The following RASSF4 variants were observed in gnomAD, a reference collection of about 807,000 sequenced individuals.
RASSF4 encodes the protein Ras association domain family member 4.
Under a neutral mutation model 41.1 loss-of-function variants are expected in RASSF4, and 38 were observed. The ratio of observed to expected loss-of-function variants is 0.92; its 90% CI spans 0.71 to 1.21. RASSF4 has a LOEUF of 1.21. RASSF4 is among the 50% of genes most tolerant of loss of function. RASSF4 has a pLI of 0.00. For synonymous variants in RASSF4, 179 were observed against 163.4 expected, an observed-to-expected ratio of 1.10 and a Z score of -0.73; for missense variants, 414 against 419.4, an observed-to-expected ratio of 0.99 and a Z score of 0.11.
At chr10:44,976,482 C>T (rs1437238133) in intron 3 of RASSF4, 1 of 152,418 alleles carries the variant, frequency 6.6e-6, no homozygotes, top group Non-Finnish European at 1.5e-5. Context: ...CTCCTCTCCT[C>T]TCTCTGTCCC....
Position 44,983,924 on chromosome 10 carries a change from C to T in RASSF4, c.282-98C>T, listed in dbSNP as rs1444593756. On this transcript the variant is annotated intron_variant, in intron 4 of 10. Coordinates refer to ENST00000340258, the MANE Select transcript of RASSF4 (RefSeq NM_032023.4). Reference sequence around the variant, plus strand: ...TCACCTCAGCCTGCCTTGCTTCCCGCCTGTGTCCTACCCCAGGGGCTGCTG... The same window carrying T: ...TCACCTCAGCCTGCCTTGCTTCCCGTCTGTGTCCTACCCCAGGGGCTGCTG... 6.5e-6 allele frequency: 10 copies of T among 1,546,236 alleles called. No individual in the cohort carries two copies. In the South Asian group the frequency reaches 1.2e-4, roughly 19 times the overall value.
At chr10:44,975,434 T>TCGACCC (rs1383348797) in intron 3 of RASSF4, among the ~76,000 whole-genome samples, 1 of 108,048 alleles carries the variant, frequency 9.3e-6, no homozygotes, top group Non-Finnish European at 1.9e-5. Context: ...ATCCCCACCT[T>TCGACCC]CCACCCCCAC....
intron 3 of RASSF4, chr10:44,977,569 T>A (rs760342416): frequency 6.2e-7 from 1 of 1,613,510 alleles, no homozygotes. Flanking sequence ...GCATCCTGGC[T>A]TCACAGAGCC....
intron 3 of RASSF4, chr10:44,977,962 C>G: frequency 6.2e-7 from 1 of 1,612,046 alleles, no homozygotes; most frequent in Non-Finnish European, 8.5e-7. Flanking sequence ...GACCCCCAAG[C>G]AGCATCTCCT....
At chr10:44,973,440 G>C (rs142269204) in intron 3 of RASSF4, among the ~76,000 whole-genome samples, 2 of 152,192 alleles carry the variant, frequency 1.3e-5, no homozygotes, top group Admixed American at 1.3e-4. Context: ...TGGAGGCCTG[G>C]GGTGTGGTCA....
intron 5 of RASSF4, 120 bp downstream of exon 5, chr10:44,984,233 A>G: frequency 1.1e-6 from 1 of 950,370 alleles, no homozygotes; most frequent in Non-Finnish European, 1.5e-6. Context: ...GAGGGGCTTC[A>G]CCTGCTGGAC....
chr10:44,983,470 G>A (rs906933021), intron 4 of RASSF4: 1 of 170,624 alleles, frequency 5.9e-6, no homozygotes, highest in Non-Finnish European at 1.3e-5. Context: ...CAGCAGTCGC[G>A]GCTGTGCCCG....
chr10:44,991,088 TG>T lies in RASSF4; in HGVS notation c.807+23del. On this transcript the variant is annotated intron_variant, in intron 9 of 10. Coordinates refer to ENST00000340258, the MANE Select transcript of RASSF4 (RefSeq NM_032023.4). ...CCATGAAGTGAGTGGGGGCCAAGGC[TG>T]GGGAGGCCTGCTCTAGGGTGAGGGG... is the stretch of plus-strand genomic sequence containing the variant. The T allele has an allele frequency of 6.2e-7, 1 of 1,606,288 alleles. No individual in the cohort carries two copies. Among genetic ancestry groups the T allele is most frequent in the African/African-American group, 1.3e-5 (1 of 74,966 alleles).
At chr10:44,977,772 C>T (rs188702994) in intron 3 of RASSF4, 154 of 1,600,690 alleles carry the variant, frequency 9.6e-5, no homozygotes, top group Admixed American at 1.4e-4. Context: ...CTGAAACGTG[C>T]GGTGATGTCT....
chr10:44,962,708 CTT>C (rs946737874), intron 1 of RASSF4, among the ~76,000 whole-genome samples: 2 of 152,212 alleles, frequency 1.3e-5, no homozygotes, highest in African/African-American at 4.8e-5. Context: ...CTAAGAAGAT[CTT>C]TGTTTCTGTG....
chr10:44,989,834 G>A (rs1842047127), intron 8 of RASSF4, 113 bp downstream of exon 8: 1 of 973,220 alleles, frequency 1.0e-6, no homozygotes, highest in African/African-American at 1.6e-5. Flanking sequence ...CTCCGTGCTG[G>A]CTTGCCTAGT....
At chr10:44,971,938 T>A (rs113423533) in intron 3 of RASSF4, 90 bp downstream of exon 3, 39 of 817,780 alleles carry the variant, frequency 4.8e-5, no homozygotes, top group African/African-American at 4.1e-4. Flanking sequence ...ATGAAGACCA[T>A]CCCCTTCACT....
intron 3 of RASSF4, among the ~76,000 whole-genome samples, chr10:44,974,016 A>AC (rs1052177588): frequency 6.6e-6 from 1 of 152,048 alleles, no homozygotes; most frequent in African/African-American, 2.4e-5. Flanking sequence ...GGGTACCGGT[A>AC]CCGGCCTGAA....
intron 5 of RASSF4, chr10:44,984,361 G>C (rs10793574): frequency 9.1e-6 from 5 of 552,234 alleles, no homozygotes; most frequent in Non-Finnish European, 1.3e-5. Context: ...TGAGTCCCCC[G>C]CCCTGTGTGT....
chr10:44,982,629 A>G lies in RASSF4; in HGVS notation c.247A>G (p.Thr83Ala). The G allele has an allele frequency of 6.2e-7, 1 of 1,613,242 alleles. No homozygotes were observed. The highest frequency in any genetic ancestry group is 8.5e-7 in the Non-Finnish European group (1 of 1,179,540). The change falls in exon 4 of 11, where the codon ACC (threonine) becomes GCC (alanine). Residue 83 changes from threonine (T) to alanine (A), a missense_variant. Transcript: ENST00000340258. Reference protein sequence around the residue: ...DDREQVHLPSTSWMPRRPSCP... With the variant: ...DDREQVHLPSASWMPRRPSCP... Reference sequence around the variant, plus strand: ...CCGGGAGCAGGTGCACCTCCCCTCCACCTCATGGATGCCCAGACGGCCTAG... The same window carrying G: ...CCGGGAGCAGGTGCACCTCCCCTCCGCCTCATGGATGCCCAGACGGCCTAG...
chr10:44,977,870 A>G, intron 3 of RASSF4: 4 of 1,611,492 alleles, frequency 2.5e-6, no homozygotes, highest in Non-Finnish European at 2.5e-6. Flanking sequence ...GGCCTTGTCC[A>G]GCACAGAGGT....
At chr10:44,974,195 C>T (rs984542352) in intron 3 of RASSF4, among the ~76,000 whole-genome samples, 1 of 152,256 alleles carries the variant, frequency 6.6e-6, no homozygotes, top group African/African-American at 2.4e-5. Context: ...GCTGCAGGGG[C>T]AGGGCCATCC....
At position 44,970,617 on chromosome 10, in the gene RASSF4, C is replaced by A. The variant is rs796432009; in HGVS notation, c.62+353C>A. 8.3e-5 allele frequency: 18 copies of A among 218,094 alleles called. 1 individual carries two copies. Among genetic ancestry groups the A allele is most frequent in the African/African-American group, 3.6e-4 (16 of 44,002 alleles). 13.5% of individuals were successfully genotyped at this position (218,094 alleles called of 1,614,324 possible). Reference sequence around the variant, plus strand: ...AAATGTGTTATTAATGCTAATTTCACCTGTTTCATTTTCCCCTCTGTATTA... The same window carrying A: ...AAATGTGTTATTAATGCTAATTTCAACTGTTTCATTTTCCCCTCTGTATTA... On this transcript the variant is annotated intron_variant, in intron 2 of 10. Transcript: ENST00000340258.
intron 3 of RASSF4, among the ~76,000 whole-genome samples, chr10:44,975,019 C>T (rs1184685519): frequency 2.0e-5 from 3 of 152,072 alleles, no homozygotes; most frequent in Non-Finnish European, 4.4e-5. Context: ...AAACCCATGG[C>T]TCTGGACAAG....
Sources: gnomAD v4.1 joint callset for allele counts (sites outside exome capture counted in the v4.1 genomes callset) on GRCh38, gnomAD v4.1.1 for gene constraint, MANE v1.5 for transcripts, NCBI Gene and HGNC (gene_info 2026-07-23, HGNC 2026-07-21) for gene names.